EGFL7: variants seen among roughly 807,000 people sequenced by gnomAD.
The protein encoded by EGFL7 is EGF like domain multiple 7.
EGFL7 carries 48 observed loss-of-function variants against 37.1 expected under a neutral mutation model. That is an observed-to-expected ratio of 1.29 (90% CI 1.03 to 1.65). EGFL7 has a LOEUF of 1.65. Among genes scored for constraint, EGFL7 ranks in the 40% most tolerant of loss-of-function variants. EGFL7 has a pLI of 0.00. For missense variants in EGFL7, 384 were observed against 378.9 expected, an observed-to-expected ratio of 1.01 and a Z score of -0.11; for synonymous variants, 180 against 156.8, an observed-to-expected ratio of 1.15 and a Z score of -1.10.
At chr9:136,663,831 A>G (rs1845292467) in intron 2 of EGFL7, among the ~76,000 whole-genome samples, 1 of 152,212 alleles carries the variant, frequency 6.6e-6, no homozygotes, top group Non-Finnish European at 1.5e-5. Flanking sequence ...GTCCACACCA[A>G]GAAGCCTGTC....
chr9:136,668,822 AC>A, intron 5 of EGFL7, 149 bp downstream of exon 5: 1 of 741,310 alleles, frequency 1.3e-6, no homozygotes, highest in Non-Finnish European at 2.3e-6. Context: ...GAGATGGGCG[AC>A]CCAGGGCGGC....
intron 9 of EGFL7, among the ~76,000 whole-genome samples, chr9:136,671,575 G>C (rs1845903466): frequency 6.6e-6 from 1 of 151,388 alleles, no homozygotes; most frequent in African/African-American, 2.4e-5. Context: ...CAGCCCCCCA[G>C]ACAATACACA....
chr9:136,669,242 T>C (rs1845679598), intron 5 of EGFL7, among the ~76,000 whole-genome samples: 1 of 152,152 alleles, frequency 6.6e-6, no homozygotes, highest in Non-Finnish European at 1.5e-5. Flanking sequence ...TAAGAAGGGC[T>C]CCGATGCCCA....
chr9:136,661,367 G>A (rs1357469763), upstream of EGFL7, among the ~76,000 whole-genome samples: 1 of 152,192 alleles, frequency 6.6e-6, no homozygotes, highest in African/African-American at 2.4e-5. Context: ...GGCCGAGGGA[G>A]GCACAGGGCG....
rs140748161 is a variant in EGFL7 at position 136,668,655 on chromosome 9, G to A, written c.179G>A (p.Arg60Gln). 9.2e-5 allele frequency: 147 copies of A among 1,603,288 alleles called. No individual in the cohort carries two copies. The highest frequency in any genetic ancestry group is 8.2e-4 in the East Asian group (37 of 44,866). The change falls in exon 5 of 11, where the codon CGG becomes CAG. Residue 60 changes from arginine (R) to glutamine (Q), a missense_variant. Coordinates refer to ENST00000308874, the MANE Select transcript of EGFL7 (RefSeq NM_016215.5). ...TTCCTCACCACCTGCGACGGGCACC[G>A]GGCCTGCAGCACCTACCGGTGAGTG... Reference protein sequence around the residue: ...QPFLTTCDGHRACSTYRTIYR... With the variant: ...QPFLTTCDGHQACSTYRTIYR...
chr9:136,670,191 G>A lies in EGFL7; in HGVS notation c.432G>A (p.Arg144=), dbSNP rs530890934. ...CQSDVDECSA[R]RGGCPQRCVN... is the part of the protein sequence containing the mutation. ...CAGATGTGGATGAATGCAGTGCTAG[G>A]AGGGGCGGCTGTCCCCAGCGCTGCG... Residue 144 remains arginine, a synonymous_variant, in exon 8 of 11, where the codon AGG becomes AGA. Coordinates refer to ENST00000308874, the MANE Select transcript of EGFL7 (RefSeq NM_016215.5). 7.4e-6 allele frequency: 12 copies of A among 1,612,674 alleles called. No homozygotes were observed. The African/African-American group carries it at 1.1e-4, about 14-fold the overall frequency.
At chr9:136,662,106 G>A (rs968336559), upstream of EGFL7, among the ~76,000 whole-genome samples, 5 of 150,964 alleles carry the variant, frequency 3.3e-5, no homozygotes, top group Non-Finnish European at 5.9e-5. Context: ...CTGGGACGCC[G>A]GGAATCTGAC....
chr9:136,665,298 C>T (rs1845388346), intron 3 of EGFL7, among the ~76,000 whole-genome samples: 1 of 152,230 alleles, frequency 6.6e-6, no homozygotes, highest in Admixed American at 6.5e-5. Context: ...GCGGTGGGGA[C>T]GGTCATGATG....
chr9:136,670,393 C>A, intron 8 of EGFL7, 63 bp downstream of exon 8: 1 of 1,483,014 alleles, frequency 6.7e-7, no homozygotes, highest in Non-Finnish European at 9.0e-7. Flanking sequence ...TGCCGTGTGG[C>A]TGTTAGGCAT....
chr9:136,667,050 C>T (rs1845524140), intron 3 of EGFL7, among the ~76,000 whole-genome samples: 1 of 152,196 alleles, frequency 6.6e-6, no homozygotes, highest in Non-Finnish European at 1.5e-5. Flanking sequence ...CCACCCTCCC[C>T]GCTGGGACCG....
Position 136,671,910 on chromosome 9 carries a change from C to G in EGFL7, c.637-16C>G. ...GCGGGGGCCGGCCCAGGGTCACTGC[C>G]CTTCTGCACCCACAGAAGCTGCAGC... is the stretch of plus-strand genomic sequence containing the variant. On this transcript the variant is annotated splice_polypyrimidine_tract_variant and intron_variant, in intron 9 of 10. Transcript: ENST00000308874. 2 of 1,482,486 alleles carry G rather than the reference C, an allele frequency of 1.3e-6. No homozygotes were observed. The highest frequency in any genetic ancestry group is 1.8e-6 in the Non-Finnish European group (2 of 1,117,028). 91.8% of individuals were successfully genotyped at this position (1,482,486 alleles called of 1,614,324 possible).
At chr9:136,670,039 G>A in intron 7 of EGFL7, 30 bp downstream of exon 7, 1 of 1,586,666 alleles carries the variant, frequency 6.3e-7, no homozygotes, top group Non-Finnish European at 8.6e-7. Context: ...GGGGGGCCCT[G>A]GAAGGGTCCT....
chr9:136,670,857 T>C, intron 8 of EGFL7, 93 bp from the exon 9 acceptor site: 1 of 1,242,796 alleles, frequency 8.0e-7, no homozygotes, highest in Non-Finnish European at 1.1e-6. Context: ...GCCTGAGTCT[T>C]CTGGCTCTGC....
At chr9:136,670,082 T>C in intron 7 of EGFL7, 73 bp downstream of exon 7, 1 of 1,603,386 alleles carries the variant, frequency 6.2e-7, no homozygotes, top group Non-Finnish European at 8.5e-7. Flanking sequence ...GGGTTACTGC[T>C]GGCCCATGAG....
intron 8 of EGFL7, 76 bp from the exon 9 acceptor site, chr9:136,670,874 C>T (rs1204420581): frequency 7.2e-7 from 1 of 1,392,120 alleles, no homozygotes; most frequent in African/African-American, 1.4e-5. Flanking sequence ...CTGCCTCTCC[C>T]TGGGGACAGG....
chr9:136,662,582 G>A (rs1042931599), upstream of EGFL7, among the ~76,000 whole-genome samples: 3 of 152,176 alleles, frequency 2.0e-5, no homozygotes, highest in Non-Finnish European at 2.9e-5. Flanking sequence ...CCAGCCACAC[G>A]TGAGCATGGC....
chr9:136,669,537 C>A, intron 5 of EGFL7, 69 bp from the exon 6 acceptor site: 2 of 1,187,234 alleles, frequency 1.7e-6, no homozygotes, highest in Non-Finnish European at 1.2e-6. Flanking sequence ...TGAGAGGGGA[C>A]TCTAGATGCC....
upstream of EGFL7, among the ~76,000 whole-genome samples, chr9:136,660,126 C>T (rs1845048759): frequency 6.6e-6 from 1 of 152,162 alleles, no homozygotes; most frequent in Non-Finnish European, 1.5e-5. Context: ...GCCCGCCTGC[C>T]CCTTGCTGAG....
intron 8 of EGFL7, 132 bp downstream of exon 8, chr9:136,670,462 G>A (rs1281178645): frequency 1.5e-5 from 17 of 1,152,864 alleles, no homozygotes; most frequent in East Asian, 2.6e-5. Flanking sequence ...CAGGGAGGGA[G>A]GATGGGGAGG....
Sources: gnomAD v4.1 joint callset for allele counts (sites outside exome capture counted in the v4.1 genomes callset) on GRCh38, gnomAD v4.1.1 for gene constraint, MANE v1.5 for transcripts, NCBI Gene and HGNC (gene_info 2026-07-23, HGNC 2026-07-21) for gene names.